The following RASA3 variants were observed in gnomAD, a reference collection of about 807,000 sequenced individuals.
RASA3 encodes RAS p21 protein activator 3.
Under a neutral mutation model 110.0 loss-of-function variants are expected in RASA3, and 73 were observed. The observed-to-expected ratio is 0.66, with a 90% CI of 0.55 to 0.81. RASA3 has a LOEUF of 0.81. RASA3 is among the 30% of genes least tolerant of loss of function. The pLI, the probability that RASA3 is intolerant of heterozygous loss-of-function variation, is 0.00. For missense variants in RASA3, 976 were observed against 1,113.2 expected, an observed-to-expected ratio of 0.88 and a Z score of 1.75; for synonymous variants, 500 against 451.4, an observed-to-expected ratio of 1.11 and a Z score of -1.37.
chr13:114,023,811 C>G (rs1231704921), intron 8 of RASA3, among the ~76,000 whole-genome samples: 1 of 152,230 alleles, frequency 6.6e-6, no homozygotes, highest in African/African-American at 2.4e-5. Flanking sequence ...CCCAGGACGC[C>G]AGGTGAGAGT....
intron 3 of RASA3, among the ~76,000 whole-genome samples, chr13:114,050,140 C>T (rs554155700): frequency 1.6e-4 from 25 of 152,344 alleles, no homozygotes; most frequent in Non-Finnish European, 2.8e-4. Context: ...CCAGCTTGAA[C>T]GCGACATAAA....
At chr13:114,061,852 C>T (rs1488414517) in intron 2 of RASA3, among the ~76,000 whole-genome samples, 2 of 152,282 alleles carry the variant, frequency 1.3e-5, no homozygotes, top group South Asian at 2.1e-4. Flanking sequence ...ATTCAGCCGT[C>T]ACCTGTGCTT....
At chr13:114,110,800 G>C (rs537841141) in intron 1 of RASA3, among the ~76,000 whole-genome samples, 12 of 152,316 alleles carry the variant, frequency 7.9e-5, no homozygotes, top group African/African-American at 2.6e-4. Flanking sequence ...CACCCATCCG[G>C]ACACCGGCAG....
At chr13:114,053,000 G>T (rs1018456108) in intron 2 of RASA3, among the ~76,000 whole-genome samples, 12 of 136,060 alleles carry the variant, frequency 8.8e-5, no homozygotes, top group Admixed American at 2.9e-4. Context: ...CCTCGCTCCT[G>T]GGGGAGAGAC....
At position 114,020,017 on chromosome 13, in the gene RASA3, C is replaced by T. The variant is rs1470735405; in HGVS notation, c.786-1098G>A. Among the ~76,000 whole-genome samples the T allele has an allele frequency of 2.5e-3, 106 of 41,912 alleles. 19 individuals are homozygous for T. The highest frequency in any genetic ancestry group is 3.7e-3 in the Non-Finnish European group (95 of 25,596). 27.5% of individuals were successfully genotyped at this position (41,912 alleles called of 152,430 possible). A position where few individuals can be genotyped will look rare whatever the true frequency, so the allele number is the denominator to read the frequency against. On this transcript the variant is annotated intron_variant, in intron 9 of 23. Transcript: ENST00000334062. ...AGGTGGGTGGAGCCTGTGTCCGAGGCATTAGCAGCCCTGTCAGGTGGGTGG... is the reference window on the plus strand; with the variant it reads ...AGGTGGGTGGAGCCTGTGTCCGAGGTATTAGCAGCCCTGTCAGGTGGGTGG...
chr13:114,105,185 C>T (rs1169689831), intron 1 of RASA3, among the ~76,000 whole-genome samples: 1 of 152,108 alleles, frequency 6.6e-6, no homozygotes, highest in Non-Finnish European at 1.5e-5. Context: ...GGGCTCTCCC[C>T]AGGAGGAGGG....
Position 114,018,800 on chromosome 13 carries a change from G to A in RASA3, c.905C>T (p.Pro302Leu), listed in dbSNP as rs775288392. The change falls in exon 10 of 24, where the codon CCT (proline) becomes CTT (leucine). Residue 302 changes from proline (P) to leucine (L), a missense_variant. Transcript: ENST00000334062. ...DHVFSSDYYS[P>L]LRDLLLKSAD... Reference sequence around the variant, plus strand: ...AGACTTCAACAGCAGGTCCCGCAGAGGGCTGTAATAGTCAGAAGAAAACAC... The same window carrying A: ...AGACTTCAACAGCAGGTCCCGCAGAAGGCTGTAATAGTCAGAAGAAAACAC... 3.1e-6 allele frequency: 5 copies of A among 1,613,526 alleles called. No individual in the cohort carries two copies. The African/African-American group carries it at 5.3e-5, about 17-fold the overall frequency.
rs575129109 is a variant in RASA3 at position 114,001,612 on chromosome 13, G to A, written c.1743-680C>T. On this transcript the variant is annotated intron_variant, in intron 18 of 23. Coordinates refer to ENST00000334062, the MANE Select transcript of RASA3 (RefSeq NM_007368.4). Reference sequence around the variant, plus strand: ...ACAGAGGACCTACGGCCACAGGCTCGGGGTCAGGGCGGGCAGTGGATGCCC... The same window carrying A: ...ACAGAGGACCTACGGCCACAGGCTCAGGGTCAGGGCGGGCAGTGGATGCCC... Among the ~76,000 whole-genome samples, 840 of 147,962 alleles carry A rather than the reference G, an allele frequency of 5.7e-3. 1 individual carries two copies. The highest frequency in any genetic ancestry group is 0.017 in the African/African-American group (669 of 39,842).
At chr13:114,109,817 G>A (rs1298598492) in intron 1 of RASA3, among the ~76,000 whole-genome samples, 1 of 152,196 alleles carries the variant, frequency 6.6e-6, no homozygotes, top group Non-Finnish European at 1.5e-5. Flanking sequence ...CGAGGCAGGC[G>A]ACTGGGTCTC....
chr13:114,125,503 A>G lies in RASA3; in HGVS notation c.55+6932T>C, dbSNP rs149282401. On this transcript the variant is annotated intron_variant, in intron 1 of 23. Coordinates refer to ENST00000334062, the MANE Select transcript of RASA3 (RefSeq NM_007368.4). ...ACTCACTCACTATCGTGAGAACAGC[A>G]CCAAGGGGATAGCGCTGAGCTGTTC... Among the ~76,000 whole-genome samples, 581 of 152,278 alleles carry G rather than the reference A, an allele frequency of 3.8e-3. 3 individuals carry two copies. The highest frequency in any genetic ancestry group is 0.013 in the African/African-American group (554 of 41,542).
At chr13:114,116,619 G>A (rs974471903) in intron 1 of RASA3, among the ~76,000 whole-genome samples, 1 of 152,126 alleles carries the variant, frequency 6.6e-6, no homozygotes, top group African/African-American at 2.4e-5. Flanking sequence ...TTTGAAAAAA[G>A]TTATTCAATG....
chr13:114,067,004 A>AACCTGGGCTGAGGACGGGCCCCCTG (rs2079465090), intron 2 of RASA3, among the ~76,000 whole-genome samples: 5 of 135,624 alleles, frequency 3.7e-5, no homozygotes, highest in Admixed American at 2.2e-4. Context: ...CGGGCCCCCC[A>AACCTGGGCTGAGGACGGGCCCCCTG]ACCTGGGCTG....
At chr13:114,066,850 C>T (rs1308476348) in intron 2 of RASA3, among the ~76,000 whole-genome samples, 1 of 152,236 alleles carries the variant, frequency 6.6e-6, no homozygotes, top group Non-Finnish European at 1.5e-5. Context: ...GCCAGCATTC[C>T]AGGACTGAGA....
In RASA3 at chr13:113,996,668, C is replaced by A; in HGVS notation, c.2004G>T (p.Trp668Cys). ...GGCTCACTTTGGTGAGAATGTCGAT[C>A]CAGTCCTTGGCCTCCACGCAGTTGT... ...QANNCVEAKD[W>C]IDILTKVSQC... The change falls in exon 21 of 24, where the codon TGG (tryptophan) becomes TGT (cysteine). Residue 668 changes from tryptophan (W) to cysteine (C), a missense_variant. Transcript: ENST00000334062. 6.2e-7 allele frequency: 1 copy of A among 1,613,842 alleles called. No individual in the cohort carries two copies. Among genetic ancestry groups the A allele is most frequent in the Non-Finnish European group, 8.5e-7 (1 of 1,180,038 alleles).
At chr13:113,992,452 C>T (rs368748082) in intron 22 of RASA3, 33 bp downstream of exon 22, 33 of 1,571,142 alleles carry the variant, frequency 2.1e-5, no homozygotes, top group African/African-American at 2.7e-5. Flanking sequence ...GCCATCCCCT[C>T]GCTGCACAGA....
At chr13:114,045,653 C>G (rs546513816) in intron 3 of RASA3, among the ~76,000 whole-genome samples, 2 of 152,148 alleles carry the variant, frequency 1.3e-5, no homozygotes, top group Non-Finnish European at 2.9e-5. Flanking sequence ...ACAGGCAAAG[C>G]TAATAGAACT....
chr13:113,983,539 T>C (rs1312751657), intron 22 of RASA3, among the ~76,000 whole-genome samples: 7 of 94,146 alleles, frequency 7.4e-5, no homozygotes, highest in Non-Finnish European at 1.5e-4. Context: ...AGTTAAAAGA[T>C]TTGAGAATTA....
At chr13:114,063,073 G>A (rs978437679) in intron 2 of RASA3, among the ~76,000 whole-genome samples, 1 of 152,202 alleles carries the variant, frequency 6.6e-6, no homozygotes, top group Non-Finnish European at 1.5e-5. Flanking sequence ...TTCTAAAATT[G>A]GCTGTGGCAA....
rs2080269659 is a variant in RASA3, at chr13:114,115,928, T to C, written c.55+16507A>G. Among the ~76,000 whole-genome samples, 1 of 152,240 alleles carries C rather than the reference T, an allele frequency of 6.6e-6. No homozygotes were observed. The highest frequency in any genetic ancestry group is 1.5e-5 in the Non-Finnish European group (1 of 68,048). On this transcript the variant is annotated intron_variant, in intron 1 of 23. Coordinates refer to ENST00000334062, the MANE Select transcript of RASA3 (RefSeq NM_007368.4). This position sits in a 1 kb window ranked among gnomAD's most constrained non-coding sequence, Gnocchi z 5.0. ...TTAAAGAAGAAACCCAAACGCTCTG[T>C]GAATGGGACATGTGCTCAGAGGCGT...
Sources: gnomAD v4.1 joint callset for allele counts (sites outside exome capture counted in the v4.1 genomes callset) on GRCh38, gnomAD v4.1.1 for gene constraint, Gnocchi (gnomAD v3.1) non-coding constraint, MANE v1.5 for transcripts, NCBI Gene and HGNC (gene_info 2026-07-23, HGNC 2026-07-21) for gene names.